The following USP24 variants were observed in gnomAD, a reference collection of about 807,000 sequenced individuals.
USP24 encodes ubiquitin specific peptidase 24.
In USP24, 97 loss-of-function variants were observed where a neutral mutation model predicts 361.6. The ratio of observed to expected loss-of-function variants is 0.27; its 90% confidence interval spans 0.23 to 0.32. The LOEUF is 0.32. Ranked by LOEUF, USP24 falls within the 10% of genes least tolerant of loss-of-function variation. The pLI, the probability that USP24 is intolerant of heterozygous loss-of-function variation, is 1.00. For synonymous variants in USP24, 1,098 were observed against 1,124.6 expected, an observed-to-expected ratio of 0.98 and a Z score of 0.47; for missense variants, 2,353 against 3,165.6, an observed-to-expected ratio of 0.74 and a Z score of 6.16.
chr1:55,173,521 T>C (rs146262598), intron 3 of USP24, among the ~76,000 whole-genome samples: 1,816 of 152,270 alleles, frequency 0.012, 40 homozygotes, highest in African/African-American at 0.042. Context: ...ATTGGTATGG[T>C]GGTTTCATGT....
rs1353131396 is a variant in USP24, at chr1:55,156,968, T to G, written c.1426A>C (p.Thr476Pro). 6 of 1,612,806 alleles carry G rather than the reference T, an allele frequency of 3.7e-6. No individual in the cohort carries two copies. Among genetic ancestry groups the G allele is most frequent in the Non-Finnish European group, 5.1e-6 (6 of 1,179,132 alleles). ...CCTACCTGTATCTTCCAAATTTTAG[T>G]GAGTTCATCTAACGACAATTTACTA... is the stretch of plus-strand genomic sequence containing the variant. ...LGSKLSLDEL[T>P]KIWKIQSGQS... is the part of the protein sequence containing the mutation. The change falls in exon 12 of 68, where the codon ACT becomes CCT. Residue 476 changes from threonine (T) to proline (P), a missense_variant. By Grantham distance (38) the Thr-to-Pro change is conservative. Around this residue, in one of 8 missense-constraint regions of USP24, gnomAD observed 386 missense variants for 560.5 expected, o/e 0.69. Coordinates refer to ENST00000294383, the MANE Select transcript of USP24 (RefSeq NM_015306.3).
At chr1:55,086,672 T>C (rs551021130) in intron 55 of USP24, among the ~76,000 whole-genome samples, 2 of 152,382 alleles carry the variant, frequency 1.3e-5, no homozygotes, top group East Asian at 1.9e-4. Context: ...AGTACTTACA[T>C]TGTTTTTAAC....
chr1:55,077,144 A>G (rs1645045337), intron 62 of USP24, 91 bp downstream of exon 62: 1 of 1,185,886 alleles, frequency 8.4e-7, no homozygotes, highest in Admixed American at 3.0e-5. Context: ...TGAATGGAGA[A>G]ATAATAAAAA....
At position 55,124,941 on chromosome 1, in the gene USP24, C is replaced by G. The variant is rs1307360187; in HGVS notation, c.3961-313G>C. Reference sequence around the variant, plus strand: ...ATTGTCTCTAGTTTGCACATGTGCTCCCTTTTGCTTGAACAAGTCTCCTTT... The same window carrying G: ...ATTGTCTCTAGTTTGCACATGTGCTGCCTTTTGCTTGAACAAGTCTCCTTT... On this transcript the variant is annotated intron_variant, in intron 34 of 67. Transcript: ENST00000294383. Among the ~76,000 whole-genome samples, 4 of 152,240 alleles carry G rather than the reference C, an allele frequency of 2.6e-5. No individual in the cohort carries two copies. In the East Asian group the frequency reaches 7.7e-4, roughly 29 times the overall value.
chr1:55,207,747 T>G (rs6703366), intron 1 of USP24, among the ~76,000 whole-genome samples: 27,057 of 151,494 alleles, frequency 0.18, 2,502 homozygotes, highest in Non-Finnish European at 0.19. Flanking sequence ...AAGGGACAAC[T>G]GTATCGTATT....
chr1:55,201,162 G>C (rs899933603), intron 1 of USP24, among the ~76,000 whole-genome samples: 3 of 152,150 alleles, frequency 2.0e-5, no homozygotes, highest in Admixed American at 6.5e-5. Context: ...GAGACTATTT[G>C]AGAAGCATGA....
chr1:55,091,691 CCT>C (rs1645380301), intron 54 of USP24, among the ~76,000 whole-genome samples: 1 of 152,162 alleles, frequency 6.6e-6, no homozygotes, highest in Non-Finnish European at 1.5e-5. Flanking sequence ...TAAAATGAGC[CCT>C]CTGTGTTTCT....
intron 18 of USP24, 133 bp downstream of exon 18, chr1:55,147,516 T>G: frequency 1.1e-6 from 1 of 924,400 alleles, no homozygotes; most frequent in Non-Finnish European, 1.5e-6. Context: ...GATACAAAAC[T>G]GTTCCCTCAC....
chr1:55,201,557 C>A (rs572389640), intron 1 of USP24, among the ~76,000 whole-genome samples: 1 of 126,328 alleles, frequency 7.9e-6, no homozygotes, highest in East Asian at 2.7e-4. Context: ...GCCGAGATCA[C>A]GCTACTGCAC....
At position 55,075,402 on chromosome 1, in the gene USP24, T is replaced by C. The variant is rs369426973; in HGVS notation, c.7447+55A>G. ...CAGGAGGCAGAACTGGCCAGAACAATAGATTATCCACATATTTACTATAGA... is the reference window on the plus strand; with the variant it reads ...CAGGAGGCAGAACTGGCCAGAACAACAGATTATCCACATATTTACTATAGA... On this transcript the variant is annotated intron_variant, in intron 63 of 67. Coordinates refer to ENST00000294383, the MANE Select transcript of USP24 (RefSeq NM_015306.3). 3.2e-5 allele frequency: 48 copies of C among 1,498,516 alleles called. 1 individual carries two copies. The African/African-American group carries it at 4.8e-4, about 15-fold the overall frequency. 92.8% of individuals were successfully genotyped at this position (1,498,516 alleles called of 1,614,324 possible). A position where few individuals can be genotyped will look rare whatever the true frequency, so the allele number is the denominator to read the frequency against.
intron 61 of USP24, among the ~76,000 whole-genome samples, chr1:55,078,241 A>G (rs1470048542): frequency 2.6e-5 from 4 of 152,226 alleles, no homozygotes; most frequent in Admixed American, 6.5e-5. Flanking sequence ...ATGACTGGTG[A>G]TGACCACAGT....
intron 48 of USP24, 101 bp downstream of exon 48, chr1:55,097,497 C>A: frequency 1.4e-6 from 2 of 1,457,248 alleles, no homozygotes; most frequent in Non-Finnish European, 1.8e-6. Flanking sequence ...AGACAACAGC[C>A]TTAACATGGT....
At chr1:55,205,805 A>C (rs139937783) in intron 1 of USP24, among the ~76,000 whole-genome samples, 2,292 of 152,322 alleles carry the variant, frequency 0.015, 28 homozygotes, top group Middle Eastern at 0.034. Context: ...AAATAGGGAG[A>C]GTATAGCCCC....
chr1:55,187,162 A>G (rs1644155621), intron 1 of USP24, among the ~76,000 whole-genome samples: 1 of 152,200 alleles, frequency 6.6e-6, no homozygotes, highest in Non-Finnish European at 1.5e-5. Context: ...CCATAGTAAC[A>G]GAATAAAGGA....
At chr1:55,148,327 G>C in intron 17 of USP24, 136 bp downstream of exon 17, 1 of 553,762 alleles carries the variant, frequency 1.8e-6, no homozygotes, top group Non-Finnish European at 3.0e-6. Context: ...TTAAACTCAA[G>C]ATTATTAGAT....
chr1:55,169,984 T>A (rs79045861), intron 5 of USP24, among the ~76,000 whole-genome samples: 3 of 152,096 alleles, frequency 2.0e-5, no homozygotes, highest in Non-Finnish European at 2.9e-5. Context: ...TAGTGAAATT[T>A]AGATTTTGTT....
intron 55 of USP24, among the ~76,000 whole-genome samples, chr1:55,087,086 T>G (rs1297695731): frequency 6.6e-6 from 1 of 152,216 alleles, no homozygotes; most frequent in Non-Finnish European, 1.5e-5. Flanking sequence ...AGACAATATC[T>G]CTTCATGTTT....
rs1002356574 is a variant in USP24, at chr1:55,102,188, G to C, written c.5026-485C>G. The stretch of plus-strand genomic sequence containing the variant: ...GAGTCTACGAAGTGATTACCATGAA[G>C]GATCCTGACCAATCTGGATGGCAAA... On this transcript the variant is annotated intron_variant, in intron 42 of 67. Coordinates refer to ENST00000294383, the MANE Select transcript of USP24 (RefSeq NM_015306.3). Among the ~76,000 whole-genome samples the C allele has an allele frequency of 2.6e-5, 4 of 152,090 alleles. No individual in the cohort carries two copies. In the East Asian group the frequency reaches 7.7e-4, roughly 29 times the overall value.
intron 55 of USP24, among the ~76,000 whole-genome samples, chr1:55,088,323 T>C (rs13375940): frequency 0.029 from 4,427 of 152,268 alleles, 154 homozygotes; most frequent in African/African-American, 0.082. Context: ...GGGAAGAGAC[T>C]TGCGTTTCTG....
Sources: allele counts gnomAD v4.1 joint callset (sites outside exome capture counted in the v4.1 genomes callset), GRCh38; gene constraint gnomAD v4.1.1; regional missense constraint gnomAD v4.1.1; transcripts MANE v1.5; gene names NCBI Gene and HGNC (gene_info 2026-07-23, HGNC 2026-07-21).